CELF2: variants seen among roughly 807,000 people sequenced by gnomAD.
CELF2 encodes the protein CUG triplet repeat RNA-binding protein 2.
Under a neutral mutation model 62.6 loss-of-function variants are expected in CELF2, and 8 were observed. The ratio of observed to expected loss-of-function variants is 0.13; its 90% confidence interval spans 0.07 to 0.23. The LOEUF (loss-of-function observed/expected upper bound fraction) is 0.23, where lower values mean the gene tolerates loss of function less well. Ranked by LOEUF, CELF2 falls within the 10% of genes least tolerant of loss-of-function variation. CELF2 has a pLI of 1.00. For missense variants in CELF2, 333 were observed against 671.0 expected, an observed-to-expected ratio of 0.50 and a Z score of 5.56; for synonymous variants, 258 against 250.0, an observed-to-expected ratio of 1.03 and a Z score of -0.30.
intron 3 of CELF2, among the ~76,000 whole-genome samples, chr10:11,230,864 A>G (rs891583533): frequency 6.6e-6 from 1 of 152,252 alleles, no homozygotes; most frequent in Non-Finnish European, 1.5e-5. Flanking sequence ...AATACTCAGC[A>G]GCTCATTTCC....
intron 2 of CELF2, chr10:10,935,390 C>A (rs1010900782): frequency 6.6e-6 from 1 of 152,102 alleles, no homozygotes; most frequent in Non-Finnish European, 1.5e-5. Flanking sequence ...TCAGTATGGC[C>A]TAAGTGTCCT....
chr10:11,051,725 T>A (rs2063964135), intron 1 of CELF2, among the ~76,000 whole-genome samples: 1 of 152,162 alleles, frequency 6.6e-6, no homozygotes, highest in Non-Finnish European at 1.5e-5. Context: ...GGACCCGATT[T>A]GACTGGTGGT....
Position 11,319,166 on chromosome 10 carries a change from T to G in CELF2, c.1097-2023T>G. The G allele has an allele frequency of 2.2e-6, 1 of 460,910 alleles. No individual in the cohort carries two copies. Among genetic ancestry groups the G allele is most frequent in the Non-Finnish European group, 4.5e-6 (1 of 222,698 alleles). 28.6% of individuals were successfully genotyped at this position (460,910 alleles called of 1,614,324 possible). On this transcript the variant is annotated intron_variant, in intron 10 of 12. Coordinates refer to ENST00000633077, the MANE Select transcript of CELF2 (RefSeq NM_001326342.2). The surrounding 1 kb of genome is among the most constrained non-coding windows in gnomAD (Gnocchi z 4.4). The stretch of plus-strand genomic sequence containing the variant: ...GGGCATCTGCATTTCCAGAGGACTG[T>G]GCCCAGAGTGCGATCATCTGTAATC...
intron 1 of CELF2, among the ~76,000 whole-genome samples, chr10:10,831,053 T>C (rs1590915034): frequency 6.6e-6 from 1 of 152,212 alleles, no homozygotes; most frequent in East Asian, 1.9e-4. Context: ...TTGCCTAAAT[T>C]AAACCAAAAA....
rs765439019 is a variant in CELF2 at position 10,931,896 on chromosome 10, T to C, written c.89+11897T>C. Among the ~76,000 whole-genome samples the C allele has an allele frequency of 3.3e-5, 5 of 152,172 alleles. No homozygotes were observed. In the South Asian group the frequency reaches 8.3e-4, roughly 25 times the overall value. ...AGAAGGTGAATGAGGATCAAAGTCA[T>C]GTCTTACATGGTGGCTGGCAAGAGA... On this transcript the variant is annotated intron_variant, in intron 2 of 13. Coordinates refer to the CELF2 transcript ENST00000636488. The surrounding 1 kb of genome is among the most constrained non-coding windows in gnomAD (Gnocchi z 6.1).
intron 1 of CELF2, chr10:11,105,592 A>C (rs953481517): frequency 6.6e-6 from 1 of 152,242 alleles, no homozygotes; most frequent in Non-Finnish European, 1.5e-5. Flanking sequence ...AGAGGTGGCC[A>C]CTGGGTTTTC....
At chr10:10,692,138 T>C in the CELF2 span, among the ~76,000 whole-genome samples, 1 of 149,160 alleles carries the variant, frequency 6.7e-6, no homozygotes, top group Non-Finnish European at 1.5e-5. Context: ...TTTTATGGTT[T>C]TAGGTCTAAC....
chr10:11,124,696 G>A (rs902345231), intron 1 of CELF2, among the ~76,000 whole-genome samples: 4 of 152,142 alleles, frequency 2.6e-5, no homozygotes, highest in African/African-American at 7.2e-5. Flanking sequence ...AGTTCTAAGC[G>A]TACAAGGTAC....
At chr10:10,855,467 C>A (rs1591228139) in intron 1 of CELF2, among the ~76,000 whole-genome samples, 1 of 152,190 alleles carries the variant, frequency 6.6e-6, no homozygotes, top group South Asian at 2.1e-4. Flanking sequence ...AATACAGTGC[C>A]CTGTCACCAA....
chr10:11,152,664 T>C (rs540039897), intron 1 of CELF2, among the ~76,000 whole-genome samples: 5 of 152,374 alleles, frequency 3.3e-5, no homozygotes, highest in Admixed American at 6.5e-5. Flanking sequence ...AGGAAATTTT[T>C]CCTTCAGTTA....
intron 1 of CELF2, among the ~76,000 whole-genome samples, chr10:11,122,137 C>G (rs561953449): frequency 6.6e-6 from 1 of 152,284 alleles, no homozygotes; most frequent in African/African-American, 2.4e-5. Flanking sequence ...ATGGAACATT[C>G]TTTTTTCAAT....
intron 1 of CELF2, among the ~76,000 whole-genome samples, chr10:10,862,789 T>C (rs1421734037): frequency 6.6e-6 from 1 of 152,234 alleles, no homozygotes; most frequent in Non-Finnish European, 1.5e-5. Flanking sequence ...ATGAAGACTA[T>C]GGAATATCAG....
intron 3 of CELF2, among the ~76,000 whole-genome samples, chr10:11,229,234 A>G (rs903471845): frequency 2.0e-5 from 3 of 152,248 alleles, no homozygotes; most frequent in Admixed American, 6.5e-5. Flanking sequence ...ACCTTAAAGA[A>G]TCAGAAATCC....
At chr10:11,106,202 C>CTTTGT (rs1463613727) in intron 1 of CELF2, among the ~76,000 whole-genome samples, 1 of 109,230 alleles carries the variant, frequency 9.2e-6, no homozygotes, top group African/African-American at 3.3e-5. Flanking sequence ...TTTTATTTTA[C>CTTTGT]TTTATTTTAT....
chr10:10,736,541 A>C, the CELF2 span, among the ~76,000 whole-genome samples: 1 of 151,926 alleles, frequency 6.6e-6, no homozygotes, highest in Non-Finnish European at 1.5e-5. Flanking sequence ...GAATAAGACA[A>C]CTTAAGAGAA....
intron 1 of CELF2, among the ~76,000 whole-genome samples, chr10:11,066,023 T>G (rs112201416): frequency 0.034 from 5,199 of 152,216 alleles, 102 homozygotes; most frequent in Non-Finnish European, 0.056. Flanking sequence ...ACCTGGCATG[T>G]TGGAGGAACC....
chr10:10,896,676 A>G (rs2062575868), intron 1 of CELF2, among the ~76,000 whole-genome samples: 1 of 152,156 alleles, frequency 6.6e-6, no homozygotes, highest in Non-Finnish European at 1.5e-5. Flanking sequence ...CTCAGCAAAC[A>G]TCAGAAGGTA....
the CELF2 span, among the ~76,000 whole-genome samples, chr10:10,727,783 A>G: frequency 6.6e-6 from 1 of 152,018 alleles, no homozygotes; most frequent in Non-Finnish European, 1.5e-5. Flanking sequence ...CTCAAAAAAA[A>G]AAAAAGAAAG....
At chr10:11,084,283 G>T (rs1218099651) in intron 1 of CELF2, among the ~76,000 whole-genome samples, 2 of 152,216 alleles carry the variant, frequency 1.3e-5, no homozygotes, top group Admixed American at 1.3e-4. Flanking sequence ...TGTGTTCAGG[G>T]TCTTGTTGGG....
Sources: allele counts gnomAD v4.1 joint callset (sites outside exome capture counted in the v4.1 genomes callset), GRCh38; gene constraint gnomAD v4.1.1; non-coding constraint Gnocchi (gnomAD v3.1); transcripts MANE v1.5; gene names NCBI Gene and HGNC (gene_info 2026-07-23, HGNC 2026-07-21).